ASIC4: variants seen among roughly 807,000 people sequenced by gnomAD.
The protein encoded by ASIC4 is acid-sensing ion channel 4.
ASIC4 carries 28 observed loss-of-function variants against 53.4 expected under a neutral mutation model. That is an observed-to-expected ratio of 0.52 (90% CI 0.39 to 0.72). The LOEUF (loss-of-function observed/expected upper bound fraction) is 0.72. ASIC4 is among the 30% of genes least tolerant of loss of function. ASIC4 has a pLI of 0.00. For missense variants in ASIC4, 649 were observed against 729.7 expected (o/e 0.89, Z 1.27); for synonymous variants, 289 against 301.4 (o/e 0.96, Z 0.43).
upstream of ASIC4, chr2:219,514,389 C>T (rs1694742749): frequency 6.5e-7 from 1 of 1,547,432 alleles, no homozygotes; most frequent in African/African-American, 1.4e-5. Flanking sequence ...CGGAGCAGCG[C>T]TCGCTCCCTC....
At position 219,537,202 on chromosome 2, in the gene ASIC4, G is replaced by A. The variant is rs781055183; in HGVS notation, c.1322-40G>A. The stretch of plus-strand genomic sequence containing the variant: ...CCCCAGCTTGTGTGGGGGTGGATCG[G>A]CCCGGCCGCTCCCTCTGACACTGCT... On this transcript the variant is annotated intron_variant, in intron 7 of 9. Transcript: ENST00000358078. This position sits in a 1 kb window ranked among gnomAD's most constrained non-coding sequence, Gnocchi z 4.9. 1 of 1,611,790 alleles carries A rather than the reference G, an allele frequency of 6.2e-7. No homozygotes were observed. Among genetic ancestry groups the A allele is most frequent in the Non-Finnish European group, 8.5e-7 (1 of 1,178,248 alleles).
At chr2:219,524,627 A>G (rs1694936919) in intron 1 of ASIC4, among the ~76,000 whole-genome samples, 2 of 152,218 alleles carry the variant, frequency 1.3e-5, no homozygotes. Context: ...TGTTACTGCC[A>G]TTTTACAGAT....
Position 219,537,020 on chromosome 2 carries a change from T to C in ASIC4, c.1230-46T>C, listed in dbSNP as rs767898461. Reference sequence around the variant, plus strand: ...ATCCAGGATGCCCCTGCCAGCCTTCTCAGGAAGAGAGGCCCACACGGATAC... The same window carrying C: ...ATCCAGGATGCCCCTGCCAGCCTTCCCAGGAAGAGAGGCCCACACGGATAC... On this transcript the variant is annotated intron_variant, in intron 6 of 9. Coordinates refer to ENST00000358078, the MANE Select transcript of ASIC4 (RefSeq NM_018674.6). The surrounding 1 kb of genome is among the most constrained non-coding windows in gnomAD (Gnocchi z 4.9). The C allele has an allele frequency of 8.3e-6, 13 of 1,565,836 alleles. No individual in the cohort carries two copies. Among genetic ancestry groups the C allele is most frequent in the Non-Finnish European group, 1.1e-5 (13 of 1,139,006 alleles).
chr2:219,512,603 T>A (rs1694716165), upstream of ASIC4, among the ~76,000 whole-genome samples: 1 of 152,156 alleles, frequency 6.6e-6, no homozygotes, highest in South Asian at 2.1e-4. Flanking sequence ...GGCGGCTGCC[T>A]GGGCATGGGA....
upstream of ASIC4, among the ~76,000 whole-genome samples, chr2:219,511,075 C>T (rs1197253422): frequency 3.3e-5 from 5 of 152,016 alleles, no homozygotes; most frequent in African/African-American, 4.8e-5. This position sits in a 1 kb window ranked among gnomAD's most constrained non-coding sequence, Gnocchi z 5.3. Context: ...CGCACCAGGG[C>T]CAGGTGTCTG....
Position 219,515,276 on chromosome 2 carries a change from G to T in ASIC4, c.552G>T (p.Gly184=), listed in dbSNP as rs370718529. ...ADMLKSCNFS[G]HHCSASNFSV... is the part of the protein sequence containing the mutation. ...TGCTTAAGAGCTGCAACTTCAGTGG[G>T]CATCACTGCTCCGCCAGCAACTTCT... is the stretch of plus-strand genomic sequence containing the variant. Residue 184 remains glycine, a synonymous_variant, in exon 1 of 10, where the codon GGG becomes GGT. Coordinates refer to ENST00000358078, the MANE Select transcript of ASIC4 (RefSeq NM_018674.6). 1.9e-6 allele frequency: 3 copies of T among 1,612,842 alleles called. No individual in the cohort carries two copies. The highest frequency in any genetic ancestry group is 1.7e-6 in the Non-Finnish European group (2 of 1,179,138).
At chr2:219,530,400 T>A (rs1695024156) in intron 1 of ASIC4, among the ~76,000 whole-genome samples, 2 of 152,190 alleles carry the variant, frequency 1.3e-5, no homozygotes, top group South Asian at 4.1e-4. Flanking sequence ...GAGCCGGGCT[T>A]CTGTGCGGCA....
chr2:219,532,179 C>A, intron 3 of ASIC4, 51 bp downstream of exon 3: 1 of 1,609,802 alleles, frequency 6.2e-7, no homozygotes, highest in South Asian at 1.1e-5. Context: ...CGCCTTTGGG[C>A]TCAGAGGGGA....
intron 1 of ASIC4, among the ~76,000 whole-genome samples, chr2:219,515,757 A>C (rs1272709341): frequency 6.6e-6 from 1 of 152,170 alleles, no homozygotes; most frequent in African/African-American, 2.4e-5. Flanking sequence ...GGGGGGCTCC[A>C]TCTAGGGAAG....
At chr2:219,522,415 G>GGGGAGGGCTGGGAACCCCT (rs1694900679) in intron 1 of ASIC4, among the ~76,000 whole-genome samples, 1 of 150,990 alleles carries the variant, frequency 6.6e-6, no homozygotes, top group Non-Finnish European at 1.5e-5. Context: ...GCAGGTCCCC[G>GGGGAGGGCTGGGAACCCCT]GGGAGGGCTG....
rs1559121277 is a variant in ASIC4 at position 219,537,612 on chromosome 2, C to T, written c.1402-20C>T. On this transcript the variant is annotated intron_variant, in intron 8 of 9. Transcript: ENST00000358078. The surrounding 1 kb of genome is among the most constrained non-coding windows in gnomAD (Gnocchi z 4.9). The stretch of plus-strand genomic sequence containing the variant: ...CCAAATTTCCTGAGCCCACTGCTGT[C>T]CCCGACCCTGAACCCCAAGGTGTCC... The T allele has an allele frequency of 6.2e-7, 1 of 1,602,394 alleles. No homozygotes were observed. Among genetic ancestry groups the T allele is most frequent in the Non-Finnish European group, 8.5e-7 (1 of 1,173,784 alleles).
At chr2:219,514,044 G>T (rs1694735732), upstream of ASIC4, 1 of 413,976 alleles carries the variant, frequency 2.4e-6, no homozygotes, top group African/African-American at 2.0e-5. Context: ...TCAGAGGCCA[G>T]GAGGTGGGGG....
At chr2:219,510,746 G>A (rs941626263), upstream of ASIC4, among the ~76,000 whole-genome samples, 5 of 152,148 alleles carry the variant, frequency 3.3e-5, no homozygotes, top group Non-Finnish European at 7.4e-5. This position sits in a 1 kb window ranked among gnomAD's most constrained non-coding sequence, Gnocchi z 5.2. Flanking sequence ...AAGATGGGGT[G>A]GGGGTGCAAG....
At chr2:219,532,549 T>G in intron 4 of ASIC4, 72 bp downstream of exon 4, 1 of 1,549,042 alleles carries the variant, frequency 6.5e-7, no homozygotes, top group South Asian at 1.2e-5. Flanking sequence ...GGCAAGGCAC[T>G]GCTCATGTGC....
chr2:219,511,378 C>T (rs59999464), upstream of ASIC4, among the ~76,000 whole-genome samples: 89 of 151,286 alleles, frequency 5.9e-4, no homozygotes, highest in Non-Finnish European at 1.1e-3. This position sits in a 1 kb window ranked among gnomAD's most constrained non-coding sequence, Gnocchi z 5.3. Flanking sequence ...TCTCTCCCCC[C>T]GACTGCATGC....
intron 5 of ASIC4, 140 bp downstream of exon 5, chr2:219,533,079 T>G: frequency 2.1e-6 from 2 of 943,430 alleles, no homozygotes; most frequent in Non-Finnish European, 3.4e-6. Context: ...AGCCCATACT[T>G]CAGTGGGGTT....
chr2:219,516,992 G>A lies in ASIC4; in HGVS notation c.582+1686G>A, dbSNP rs1281997491. On this transcript the variant is annotated intron_variant, in intron 1 of 9. Transcript: ENST00000358078. The surrounding 1 kb of genome is among the most constrained non-coding windows in gnomAD (Gnocchi z 4.9). ...CCTTTGGGATCCATAGGGCTCTGCT[G>A]TCCTCAATCCTCACCACTCCGTATT... 2 of 152,348 alleles carry A rather than the reference G, an allele frequency of 1.3e-5. No individual in the cohort carries two copies. The highest frequency in any genetic ancestry group is 2.9e-5 in the Non-Finnish European group (2 of 68,140). 9.4% of individuals were successfully genotyped at this position (152,348 alleles called of 1,614,324 possible).
At chr2:219,529,425 T>C (rs896334599) in intron 1 of ASIC4, among the ~76,000 whole-genome samples, 3 of 151,934 alleles carry the variant, frequency 2.0e-5, no homozygotes, top group Non-Finnish European at 4.4e-5. Flanking sequence ...GAAGCCGATA[T>C]GGAGAAGAAA....
intron 5 of ASIC4, among the ~76,000 whole-genome samples, chr2:219,534,279 G>T (rs1695092187): frequency 6.6e-6 from 1 of 152,262 alleles, no homozygotes; most frequent in Non-Finnish European, 1.5e-5. Context: ...TGTCACAGGG[G>T]TGATTGGAGA....
Sources: allele counts gnomAD v4.1 joint callset (sites outside exome capture counted in the v4.1 genomes callset), GRCh38; gene constraint gnomAD v4.1.1; non-coding constraint Gnocchi (gnomAD v3.1); transcripts MANE v1.5; gene names NCBI Gene and HGNC (gene_info 2026-07-23, HGNC 2026-07-21).